RPAP1: variants seen among roughly 807,000 people sequenced by gnomAD.
RPAP1 encodes RNA polymerase II-associated protein 1.
RPAP1 carries 109 observed loss-of-function variants against 142.4 expected under a neutral mutation model. The observed-to-expected ratio is 0.77, with a 90% CI of 0.66 to 0.90. The LOEUF (loss-of-function observed/expected upper bound fraction) is 0.90. Among genes scored for constraint, RPAP1 ranks in the 40% least tolerant of loss-of-function variants. RPAP1 has a pLI of 0.00. For synonymous variants in RPAP1, 704 were observed against 738.9 expected (o/e 0.95, Z 0.77); for missense variants, 1,546 against 1,751.7 (o/e 0.88, Z 2.10).
chr15:41,529,374 A>G (rs1265840984), intron 9 of RPAP1, 96 bp downstream of exon 9: 22 of 785,848 alleles, frequency 2.8e-5, no homozygotes, highest in Middle Eastern at 3.5e-4. Context: ...ATGAACTAGA[A>G]CAGGGCACAC....
intron 23 of RPAP1, 22 bp from the exon 24 acceptor site, chr15:41,517,879 G>A (rs1476285521): frequency 2.5e-6 from 4 of 1,614,110 alleles, no homozygotes; most frequent in African/African-American, 1.3e-5. Context: ...ACAGGGAGAG[G>A]TGGCACTGAG....
intron 1 of RPAP1, among the ~76,000 whole-genome samples, chr15:41,541,080 G>A (rs897348302): frequency 6.7e-4 from 97 of 144,680 alleles, no homozygotes; most frequent in African/African-American, 2.2e-3. Flanking sequence ...AGACCTTGAA[G>A]GATAAGATAG....
chr15:41,536,934 T>C lies in RPAP1; in HGVS notation c.181+11A>G. The C allele has an allele frequency of 6.2e-7, 1 of 1,611,806 alleles. No homozygotes were observed. The highest frequency in any genetic ancestry group is 1.7e-4 in the Middle Eastern group (1 of 6,044). On this transcript the variant is annotated intron_variant, in intron 2 of 24. Coordinates refer to ENST00000304330, the MANE Select transcript of RPAP1 (RefSeq NM_015540.4). ...TCTCTACTTCTCAGCCTCACATCCATGGGAACTCACTGTCCAACATCACCA... is the reference window on the plus strand; with the variant it reads ...TCTCTACTTCTCAGCCTCACATCCACGGGAACTCACTGTCCAACATCACCA...
Position 41,537,182 on chromosome 15 carries a change from G to T in RPAP1, c.-57C>A. The T allele has an allele frequency of 3.2e-6, 5 of 1,542,086 alleles. No individual in the cohort carries two copies. Among genetic ancestry groups the T allele is most frequent in the Non-Finnish European group, 3.5e-6 (4 of 1,135,228 alleles). On this transcript the variant is annotated 5_prime_UTR_variant, in exon 2 of 25. Transcript: ENST00000304330. ...TCTCTCCAGCAGTGTCTCCGTGTGG[G>T]GGTTCCCTCTTATTCATCCCTAAGA...
At chr15:41,519,344 A>AT (rs996571424) in intron 22 of RPAP1, among the ~76,000 whole-genome samples, 4 of 151,826 alleles carry the variant, frequency 2.6e-5, no homozygotes, top group African/African-American at 9.7e-5. Context: ...AGTAGCTGGG[A>AT]TTACAGGCAT....
At chr15:41,530,313 C>T (rs565855729) in intron 7 of RPAP1, among the ~76,000 whole-genome samples, 115 of 152,238 alleles carry the variant, frequency 7.6e-4, no homozygotes, top group African/African-American at 2.5e-3. Context: ...CAGGAAGGCA[C>T]CATCTCCACT....
chr15:41,528,471 A>C (rs1239978241), intron 9 of RPAP1, 135 bp from the exon 10 acceptor site: 3 of 660,720 alleles, frequency 4.5e-6, no homozygotes, highest in Non-Finnish European at 8.1e-6. Context: ...TCAAGCCGGT[A>C]AAGATAAGAC....
intron 20 of RPAP1, 47 bp from the exon 21 acceptor site, chr15:41,521,927 G>T (rs199917072): frequency 6.3e-7 from 1 of 1,598,546 alleles, no homozygotes; most frequent in South Asian, 1.1e-5. Flanking sequence ...AGAAGGGGAC[G>T]TGGCAGAGAG....
In RPAP1 at chr15:41,535,555, G is replaced by T; in HGVS notation, c.498C>A (p.Gly166=). The change falls in exon 5 of 25, where the codon GGC becomes GGA. Residue 166 remains glycine (G), a synonymous_variant. Transcript: ENST00000304330. The part of the protein sequence containing the change: ...IAARRIAEAK[G]PSVGEVVPNV... ...TGGGCACAACTTCCCCAACTGATGG[G>T]CCCTTGGCTTCAGCTATCCTCCTTG... 6.2e-7 allele frequency: 1 copy of T among 1,613,770 alleles called. No homozygotes were observed. The highest frequency in any genetic ancestry group is 8.5e-7 in the Non-Finnish European group (1 of 1,179,894).
chr15:41,520,199 G>A (rs1223241261), intron 22 of RPAP1, 192 bp downstream of exon 22: 2 of 639,904 alleles, frequency 3.1e-6, no homozygotes, highest in South Asian at 1.9e-5. Context: ...TTCCCAGAGT[G>A]ATGGAATTAC....
chr15:41,538,572 C>A (rs1332127608), intron 1 of RPAP1, among the ~76,000 whole-genome samples: 4 of 152,082 alleles, frequency 2.6e-5, no homozygotes, highest in Admixed American at 1.3e-4. Flanking sequence ...TGTTTTGTAT[C>A]ATGATAAAAT....
rs1189477658 is a variant in RPAP1 at position 41,520,200 on chromosome 15, A to G, written c.3795+191T>C. ...CCACCCACCTCAGCTTCCCAGAGTGATGGAATTACAGGCGTGAGCCACCAC... is the reference window on the plus strand; with the variant it reads ...CCACCCACCTCAGCTTCCCAGAGTGGTGGAATTACAGGCGTGAGCCACCAC... On this transcript the variant is annotated intron_variant, in intron 22 of 24. Coordinates refer to ENST00000304330, the MANE Select transcript of RPAP1 (RefSeq NM_015540.4). The G allele has an allele frequency of 4.4e-5, 28 of 640,942 alleles. No homozygotes were observed. In the South Asian group the frequency reaches 4.5e-4, roughly 10 times the overall value. The allele number at this position is 640,942 out of a possible 1,614,324, so 39.7% of individuals were successfully genotyped here. A position where few individuals can be genotyped will look rare whatever the true frequency, so the allele number is the denominator to read the frequency against.
At position 41,522,822 on chromosome 15, in the gene RPAP1, A is replaced by G. The variant is rs768025654; in HGVS notation, c.2685T>C (p.Thr895=). ...AGSASPFPFL[T]ALLSLLNTLA... ...GGGTATTAAGAAGAGAGAGGAGGGCAGTGAGGAATGGGAAGGGTGAGGCTG... is the reference window on the plus strand; with the variant it reads ...GGGTATTAAGAAGAGAGAGGAGGGCGGTGAGGAATGGGAAGGGTGAGGCTG... The change falls in exon 19 of 25, where the codon ACT becomes ACC. Residue 895 remains threonine (T), a synonymous_variant. Transcript: ENST00000304330. The G allele has an allele frequency of 2.1e-5, 33 of 1,586,036 alleles. No homozygotes were observed. The highest frequency in any genetic ancestry group is 2.7e-5 in the Non-Finnish European group (32 of 1,170,972).
intron 1 of RPAP1, among the ~76,000 whole-genome samples, chr15:41,540,342 C>T (rs548133328): frequency 6.8e-6 from 1 of 147,720 alleles, no homozygotes; most frequent in East Asian, 2.0e-4. Flanking sequence ...ACTCTTGTTG[C>T]CCAGGCTGGA....
In RPAP1 at chr15:41,521,280, G is replaced by A. The variant is rs761921417; in HGVS notation, c.3039-133C>T. 37 of 864,268 alleles carry A rather than the reference G, an allele frequency of 4.3e-5. 1 individual carries two copies. The highest frequency in any genetic ancestry group is 2.6e-4 in the Admixed American group (8 of 31,080). The allele number at this position is 864,268 out of a possible 1,614,324, so 53.5% of individuals were successfully genotyped here. ...CTCTGCTCCCTTAACTACTTCCCGC[G>A]CAGTGCTGTGTAGCAGTTAAGAGGA... On this transcript the variant is annotated intron_variant, in intron 21 of 24. Coordinates refer to ENST00000304330, the MANE Select transcript of RPAP1 (RefSeq NM_015540.4).
chr15:41,527,216 A>G lies in RPAP1; in HGVS notation c.1697T>C (p.Leu566Pro). The G allele has an allele frequency of 6.2e-7, 1 of 1,614,216 alleles. No individual in the cohort carries two copies. Among genetic ancestry groups the G allele is most frequent in the African/African-American group, 1.3e-5 (1 of 75,044 alleles). Reference protein sequence around the residue: ...YPGPAVVLDILAVLIRLARHS... With the variant: ...YPGPAVVLDIPAVLIRLARHS... ...CCGGGCCAGGCGGATGAGCACAGCC[A>G]GGATGTCAAGGACCACCGCAGGTCC... The change falls in exon 13 of 25, where the codon CTG becomes CCG. Residue 566 changes from leucine to proline, a missense_variant. This residue lies in a region of RPAP1 where 1,333 missense variants were observed against 1,486.6 expected (regional missense o/e 0.90). Coordinates refer to ENST00000304330, the MANE Select transcript of RPAP1 (RefSeq NM_015540.4).
intron 14 of RPAP1, among the ~76,000 whole-genome samples, chr15:41,526,371 C>T (rs751254872): frequency 3.3e-5 from 5 of 152,216 alleles, no homozygotes; most frequent in African/African-American, 4.8e-5. Flanking sequence ...CTCAGCCTAC[C>T]GAGTAGCTGA....
Position 41,527,965 on chromosome 15 carries a change from A to G in RPAP1, c.1323T>C (p.Ala441=). The G allele has an allele frequency of 1.2e-6, 2 of 1,614,108 alleles. No individual in the cohort carries two copies. The highest frequency in any genetic ancestry group is 1.7e-6 in the Non-Finnish European group (2 of 1,180,020). Residue 441 remains alanine (A), a synonymous_variant, in exon 11 of 25, where the codon GCT becomes GCC. Coordinates refer to ENST00000304330, the MANE Select transcript of RPAP1 (RefSeq NM_015540.4). ...AGSVLSLLLD[A]GFLFLLRFSL... is the part of the protein sequence containing the mutation. Reference sequence around the variant, plus strand: ...AGAAGCGCAGTAGGAAGAGGAAACCAGCATCCAAAAGGAGGCTTAAGACAC... The same window carrying G: ...AGAAGCGCAGTAGGAAGAGGAAACCGGCATCCAAAAGGAGGCTTAAGACAC...
chr15:41,529,762 AGGCTCT>A (rs1038664043), intron 8 of RPAP1, 96 bp downstream of exon 8: 34 of 914,784 alleles, frequency 3.7e-5, no homozygotes, highest in Non-Finnish European at 5.5e-5. Context: ...GATGCTTCTC[AGGCTCT>A]GGGCAATAGA....
Sources: allele counts gnomAD v4.1 joint callset (sites outside exome capture counted in the v4.1 genomes callset), GRCh38; gene constraint gnomAD v4.1.1; regional missense constraint gnomAD v4.1.1; transcripts MANE v1.5; gene names NCBI Gene and HGNC (gene_info 2026-07-23, HGNC 2026-07-21).